PCLO: variants seen among roughly 807,000 people sequenced by gnomAD.
The protein encoded by PCLO is protein piccolo.
In PCLO, 82 loss-of-function variants were observed where a neutral mutation model predicts 427.5. The observed-to-expected ratio is 0.19, with a 90% CI of 0.16 to 0.23. The LOEUF (loss-of-function observed/expected upper bound fraction) is 0.23, where lower values mean the gene tolerates loss of function less well. PCLO is among the 10% of genes least tolerant of loss of function. PCLO has a pLI of 1.00. For synonymous variants in PCLO, 2,357 were observed against 2,155.4 expected (o/e 1.09, Z -2.59); for missense variants, 6,239 against 6,115.9 (o/e 1.02, Z -0.67).
chr7:82,819,675 C>T (rs1057394056), intron 20 of PCLO, among the ~76,000 whole-genome samples: 1 of 152,034 alleles, frequency 6.6e-6, no homozygotes, highest in East Asian at 1.9e-4. Context: ...TGATTGTTTC[C>T]TTAATTACCT....
At chr7:83,146,839 T>C (rs1792007890) in intron 2 of PCLO, among the ~76,000 whole-genome samples, 1 of 152,008 alleles carries the variant, frequency 6.6e-6, no homozygotes, top group African/African-American at 2.4e-5. Flanking sequence ...TGACCTCAGA[T>C]GATCCACCCG....
At chr7:82,912,416 A>G (rs1194606220) in intron 7 of PCLO, among the ~76,000 whole-genome samples, 1 of 151,920 alleles carries the variant, frequency 6.6e-6, no homozygotes, top group Non-Finnish European at 1.5e-5. Context: ...ACATTTTACT[A>G]CATACATCAT....
At chr7:83,101,605 G>A (rs1477547544) in intron 3 of PCLO, among the ~76,000 whole-genome samples, 1 of 152,120 alleles carries the variant, frequency 6.6e-6, no homozygotes, top group Non-Finnish European at 1.5e-5. Flanking sequence ...GTTGATGAGT[G>A]TTAGTTAGCT....
At chr7:82,794,459 C>CTTTTTTTTTTCTTTTTTTTTTTTTT in intron 22 of PCLO, among the ~76,000 whole-genome samples, 1 of 56,350 alleles carries the variant, frequency 1.8e-5, no homozygotes, top group Non-Finnish European at 4.1e-5. Flanking sequence ...AATTTTTTTT[C>CTTTTTTTTTTCTTTTTTTTTTTTTT]TTTTTTTTTT....
rs1554333552 is a variant in PCLO at position 82,794,459 on chromosome 7, C to CTGTTTTTTTTTTTTTTTTT, written c.15007+7058_15007+7059insAAAAAAAAAAAAAAAAACA. Among the ~76,000 whole-genome samples the CTGTTTTTTTTTTTTTTTTT allele has an allele frequency of 2.8e-3, 158 of 56,370 alleles. 29 individuals are homozygous for CTGTTTTTTTTTTTTTTTTT. The highest frequency in any genetic ancestry group is 0.037 in the Middle Eastern group (2 of 54). The allele number at this position is 56,370 out of a possible 152,430, so 37.0% of individuals were successfully genotyped here. ...ACATGCTAGTTCATAAATTTTTTTT[C>CTGTTTTTTTTTTTTTTTTT]TTTTTTTTTTTTTTTTTTTTTTTTT... is the stretch of plus-strand genomic sequence containing the variant. On this transcript the variant is annotated intron_variant, in intron 22 of 24. Transcript: ENST00000333891.
At chr7:83,158,610 T>C (rs1792357628) in intron 1 of PCLO, among the ~76,000 whole-genome samples, 1 of 152,028 alleles carries the variant, frequency 6.6e-6, no homozygotes, top group South Asian at 2.1e-4. Context: ...ATATTTCACT[T>C]AATCCATCAT....
intron 3 of PCLO, among the ~76,000 whole-genome samples, chr7:83,058,798 G>A (rs1040847759): frequency 4.6e-5 from 7 of 151,958 alleles, no homozygotes; most frequent in Non-Finnish European, 7.4e-5. Flanking sequence ...TAACAACTAT[G>A]CAATGTTACC....
intron 3 of PCLO, among the ~76,000 whole-genome samples, chr7:83,121,152 CA>C (rs1204879283): frequency 3.6e-4 from 40 of 111,570 alleles, no homozygotes; most frequent in African/African-American, 1.6e-3. Context: ...AACAAACAAA[CA>C]AAAAACTTTT....
chr7:83,020,838 T>A (rs1788325209), intron 3 of PCLO, among the ~76,000 whole-genome samples: 1 of 152,152 alleles, frequency 6.6e-6, no homozygotes, highest in South Asian at 2.1e-4. Flanking sequence ...GCTTGTGGTA[T>A]ATTTGGCATT....
Position 82,950,974 on chromosome 7 carries a change from G to T in PCLO, c.9614C>A (p.Pro3205His). The T allele has an allele frequency of 6.2e-7, 1 of 1,613,606 alleles. No individual in the cohort carries two copies. The highest frequency in any genetic ancestry group is 8.5e-7 in the Non-Finnish European group (1 of 1,179,868). ...VGDESALLIV[P>H]EEDKQQQQLD... ...CTGCTGCTGTTGTTTATCTTCTTCA[G>T]GGACAATTAAAAGAGCACTTTCATC... Residue 3205 changes from proline (P) to histidine (H), a missense_variant, in exon 6 of 25, where the codon CCT becomes CAT. Physicochemically the swap from Pro to His is moderately conservative, Grantham distance 77. This residue lies in a region of PCLO where 4,677 missense variants were observed against 4,468.4 expected (regional missense o/e 1.05). Coordinates refer to ENST00000333891, the MANE Select transcript of PCLO (RefSeq NM_033026.6).
At chr7:82,776,038 G>T (rs552631908) in intron 22 of PCLO, among the ~76,000 whole-genome samples, 3 of 152,178 alleles carry the variant, frequency 2.0e-5, no homozygotes, top group Non-Finnish European at 4.4e-5. Context: ...CTGGTGATAT[G>T]AATAAATTCT....
chr7:83,081,831 C>T (rs1321721488), intron 3 of PCLO, among the ~76,000 whole-genome samples: 14 of 151,434 alleles, frequency 9.2e-5, no homozygotes, highest in Non-Finnish European at 7.4e-5. Flanking sequence ...CAACTAGATT[C>T]AAAGCTTAAG....
Position 82,954,972 on chromosome 7 carries a change from C to G in PCLO, c.5981G>C (p.Arg1994Thr). 1 of 1,613,816 alleles carries G rather than the reference C, an allele frequency of 6.2e-7. No individual in the cohort carries two copies. The highest frequency in any genetic ancestry group is 2.2e-5 in the East Asian group (1 of 44,876). ...MQQKGREQKI[R>T]LSEQIYEDPM... is the part of the protein sequence containing the mutation. The stretch of plus-strand genomic sequence containing the variant: ...ATCTTCATAAATCTGTTCTGAAAGT[C>G]TTATCTTTTGCTCTCTTCCTTTCTG... Residue 1994 changes from arginine to threonine, a missense_variant, in exon 5 of 25, where the codon AGA (arginine) becomes ACA (threonine). Arg to Thr is a moderately conservative substitution (Grantham distance 71). Around this residue, in one of 5 missense-constraint regions of PCLO, gnomAD observed 4,677 missense variants for 4,468.4 expected, o/e 1.05. Transcript: ENST00000333891.
intron 3 of PCLO, among the ~76,000 whole-genome samples, chr7:83,089,415 C>A (rs1790322600): frequency 6.6e-6 from 1 of 152,036 alleles, no homozygotes; most frequent in African/African-American, 2.4e-5. Context: ...AGAACTCTGT[C>A]CTTTCTCCCC....
intron 3 of PCLO, among the ~76,000 whole-genome samples, chr7:83,007,487 G>A (rs1024129200): frequency 2.0e-5 from 3 of 151,346 alleles, no homozygotes; most frequent in Admixed American, 6.6e-5. Context: ...ATGGAAAAAC[G>A]ATAACAACTT....
chr7:82,927,202 T>G (rs1794732801), intron 6 of PCLO, among the ~76,000 whole-genome samples: 1 of 152,178 alleles, frequency 6.6e-6, no homozygotes, highest in African/African-American at 2.4e-5. Flanking sequence ...ATAAGAAAAT[T>G]AGGACCAATT....
In PCLO at chr7:83,061,663, G is replaced by GT. The variant is rs574559482; in HGVS notation, c.3300+72586dup. Among the ~76,000 whole-genome samples, 13 of 152,202 alleles carry GT rather than the reference G, an allele frequency of 8.5e-5. No homozygotes were observed. The South Asian group carries it at 2.7e-3, about 32-fold the overall frequency. ...ACTTTCAACTCCCTTTCTAGTATAG[G>GT]TAAGTTTATTTCCTTGCTAAAAAAA... is the stretch of plus-strand genomic sequence containing the variant. On this transcript the variant is annotated intron_variant, in intron 3 of 24. Transcript: ENST00000333891.
chr7:82,905,376 A>G (rs574722730), intron 8 of PCLO, among the ~76,000 whole-genome samples: 1 of 152,120 alleles, frequency 6.6e-6, no homozygotes, highest in Admixed American at 6.6e-5. Context: ...TTGTTAACAT[A>G]CTGTGTATTC....
At chr7:82,853,152 C>T (rs1179750121) in intron 10 of PCLO, among the ~76,000 whole-genome samples, 1 of 151,984 alleles carries the variant, frequency 6.6e-6, no homozygotes, top group Non-Finnish European at 1.5e-5. Context: ...TGTTGAAGAG[C>T]TAATCTCATA....
Sources: gnomAD v4.1 joint callset for allele counts (sites outside exome capture counted in the v4.1 genomes callset) on GRCh38, gnomAD v4.1.1 for gene constraint, gnomAD v4.1.1 regional missense constraint, MANE v1.5 for transcripts, NCBI Gene and HGNC (gene_info 2026-07-23, HGNC 2026-07-21) for gene names.